Variants in GABBR2 observed in about 807,000 individuals in gnomAD.
The protein encoded by GABBR2 is G-protein coupled receptor 51.
A neutral mutation model predicts 105.6 loss-of-function variants in GABBR2; 23 were observed. The ratio of observed to expected loss-of-function variants is 0.22; its 90% CI spans 0.16 to 0.31. GABBR2 has a LOEUF of 0.31. GABBR2 is among the 10% of genes least tolerant of loss of function. The pLI, the probability that GABBR2 is intolerant of heterozygous loss-of-function variation, is 1.00. For synonymous variants in GABBR2, 478 were observed against 499.7 expected (o/e 0.96, Z 0.58); for missense variants, 734 against 1,245.5 (o/e 0.59, Z 6.18).
At chr9:98,703,040 G>A (rs376368143) in intron 1 of GABBR2, among the ~76,000 whole-genome samples, 80 of 152,340 alleles carry the variant, frequency 5.3e-4, no homozygotes, top group African/African-American at 1.8e-3. Context: ...TGACTTGTTC[G>A]TGGATAAACA....
At chr9:98,427,893 T>C (rs1027532572) in intron 7 of GABBR2, among the ~76,000 whole-genome samples, 5 of 152,162 alleles carry the variant, frequency 3.3e-5, no homozygotes, top group African/African-American at 1.2e-4. Context: ...GGAGACATCT[T>C]GAAAGCAAAC....
intron 1 of GABBR2, among the ~76,000 whole-genome samples, chr9:98,653,841 G>C (rs1415215061): frequency 6.6e-6 from 1 of 152,154 alleles, no homozygotes; most frequent in Non-Finnish European, 1.5e-5. Context: ...GAGAAACTGA[G>C]TCCTCGTATT....
intron 1 of GABBR2, among the ~76,000 whole-genome samples, chr9:98,671,967 A>T (rs181394716): frequency 6.6e-6 from 1 of 152,294 alleles, no homozygotes; most frequent in Admixed American, 6.5e-5. Context: ...TGGGGGCATG[A>T]AGGAGGTATC....
chr9:98,635,832 C>T (rs1829867547), intron 1 of GABBR2, among the ~76,000 whole-genome samples: 1 of 152,168 alleles, frequency 6.6e-6, no homozygotes, highest in Non-Finnish European at 1.5e-5. Flanking sequence ...CTCTCTTTAG[C>T]TGTGTTTTCC....
chr9:98,639,654 T>C (rs1179243340), intron 1 of GABBR2, among the ~76,000 whole-genome samples: 1 of 151,902 alleles, frequency 6.6e-6, no homozygotes, highest in African/African-American at 2.4e-5. Flanking sequence ...AAGAAAATTC[T>C]GGTTTTCCAC....
At chr9:98,615,648 C>T (rs559065207) in intron 1 of GABBR2, among the ~76,000 whole-genome samples, 16 of 152,248 alleles carry the variant, frequency 1.1e-4, no homozygotes, top group African/African-American at 3.9e-4. Context: ...CCAATCTCAC[C>T]CTCCAGGAAT....
intron 13 of GABBR2, among the ~76,000 whole-genome samples, chr9:98,359,775 G>T (rs115208231): frequency 6.6e-6 from 1 of 152,178 alleles, no homozygotes; most frequent in African/African-American, 2.4e-5. Context: ...CGGCCGTGGC[G>T]TGCTTGCTGG....
At chr9:98,313,251 C>A (rs1483227482) in intron 13 of GABBR2, among the ~76,000 whole-genome samples, 1 of 152,144 alleles carries the variant, frequency 6.6e-6, no homozygotes, top group Non-Finnish European at 1.5e-5. Flanking sequence ...CTTCTTGCTC[C>A]CAGCCTTGCA....
chr9:98,452,611 C>T (rs1826252091), intron 7 of GABBR2, among the ~76,000 whole-genome samples: 1 of 152,196 alleles, frequency 6.6e-6, no homozygotes. Context: ...CTGCTATGTG[C>T]CTAGCACTAG....
chr9:98,467,257 A>G (rs1176789873), intron 6 of GABBR2, among the ~76,000 whole-genome samples: 1 of 152,150 alleles, frequency 6.6e-6, no homozygotes, highest in African/African-American at 2.4e-5. Context: ...AGAGGTATGG[A>G]TGTTGGTATA....
chr9:98,607,682 A>C (rs1342894321), intron 1 of GABBR2: 3 of 748,136 alleles, frequency 4.0e-6, no homozygotes, highest in Non-Finnish European at 7.4e-6. Flanking sequence ...ATTCTAAGAA[A>C]TATGTTGATA....
chr9:98,341,942 G>C (rs2131407720), intron 13 of GABBR2, among the ~76,000 whole-genome samples: 1 of 152,340 alleles, frequency 6.6e-6, no homozygotes, highest in South Asian at 2.1e-4. Flanking sequence ...GAGAGCTCCA[G>C]GTGGAGGGAA....
intron 6 of GABBR2, among the ~76,000 whole-genome samples, chr9:98,460,266 C>T (rs1437952785): frequency 6.6e-6 from 1 of 152,106 alleles, no homozygotes; most frequent in African/African-American, 2.4e-5. Flanking sequence ...ACCTGTAATT[C>T]CAGCTACTTG....
Position 98,611,457 on chromosome 9 carries a change from GGAATGAATGAAT to G in GABBR2, c.322-33397_322-33386del, listed in dbSNP as rs10693570. 3.8e-4 allele frequency among the ~76,000 whole-genome samples: 57 copies of G among 150,076 alleles called. No individual in the cohort carries two copies. In the East Asian group the frequency reaches 5.3e-3, roughly 14 times the overall value. Reference sequence around the variant, plus strand: ...TTCATCACATCCCAAGTGCACCCGAGGAATGAATGAATGAATGAATGAATGAATGAATGAATG... The same window carrying G: ...TTCATCACATCCCAAGTGCACCCGAGGAATGAATGAATGAATGAATGAATG... On this transcript the variant is annotated intron_variant, in intron 1 of 18. Transcript: ENST00000259455.
chr9:98,516,530 G>T (rs546882901), intron 3 of GABBR2, among the ~76,000 whole-genome samples: 131 of 152,262 alleles, frequency 8.6e-4, no homozygotes, highest in Middle Eastern at 3.4e-3. Flanking sequence ...GACCAATATT[G>T]CCCAAAGCCA....
chr9:98,435,890 T>G (rs1825892585), intron 7 of GABBR2, among the ~76,000 whole-genome samples: 1 of 152,148 alleles, frequency 6.6e-6, no homozygotes, highest in African/African-American at 2.4e-5. Flanking sequence ...TTATTTCATC[T>G]TCAGGTCTCC....
intron 1 of GABBR2, among the ~76,000 whole-genome samples, chr9:98,668,133 C>G (rs1830360072): frequency 6.6e-6 from 1 of 152,208 alleles, no homozygotes; most frequent in South Asian, 2.1e-4. Flanking sequence ...GCCTCTGCCC[C>G]CTCCCTCCTA....
At chr9:98,621,545 T>G (rs528938004) in intron 1 of GABBR2, among the ~76,000 whole-genome samples, 1 of 152,286 alleles carries the variant, frequency 6.6e-6, no homozygotes, top group East Asian at 1.9e-4. Flanking sequence ...TGCGACGCAT[T>G]CTGCAGACTG....
chr9:98,350,161 A>G (rs1242520714), intron 13 of GABBR2, among the ~76,000 whole-genome samples: 1 of 116,890 alleles, frequency 8.6e-6, no homozygotes, highest in Non-Finnish European at 1.8e-5. Flanking sequence ...CTAGTGGTTT[A>G]TTGATTTTAT....
Sources: allele counts gnomAD v4.1 joint callset (sites outside exome capture counted in the v4.1 genomes callset), GRCh38; gene constraint gnomAD v4.1.1; transcripts MANE v1.5; gene names NCBI Gene and HGNC (gene_info 2026-07-23, HGNC 2026-07-21).